Variants in OPN5 observed in about 807,000 individuals in gnomAD.
OPN5 encodes the protein opsin-5.
A neutral mutation model predicts 41.7 loss-of-function variants in OPN5; 18 were observed. The ratio of observed to expected loss-of-function variants is 0.43; its 90% confidence interval spans 0.30 to 0.64. OPN5 has a LOEUF of 0.64. OPN5 is among the 30% of genes least tolerant of loss of function. The pLI, the probability that OPN5 is intolerant of heterozygous loss-of-function variation, is 0.13. For synonymous variants in OPN5, 178 were observed against 164.3 expected (o/e 1.08, Z -0.64); for missense variants, 318 against 434.5 (o/e 0.73, Z 2.38).
At chr6:47,805,424 TTGTGTGTGTG>T (rs3031322) in intron 4 of OPN5, among the ~76,000 whole-genome samples, 1 of 150,372 alleles carries the variant, frequency 6.7e-6, no homozygotes, top group African/African-American at 2.4e-5. Flanking sequence ...ATATTATTAA[TTGTGTGTGTG>T]TGTGTGTGTG....
rs372351184 is a variant in OPN5, at chr6:47,802,836, A to G, written c.757-5318A>G. 9.1e-4 allele frequency among the ~76,000 whole-genome samples: 138 copies of G among 151,874 alleles called. 1 individual carries two copies. The South Asian group carries it at 0.028, about 31-fold the overall frequency. ...CCAAAACACAGATGCATAGAGTGAC[A>G]TGACCTAATTTACTGCCTCTCTTTT... On this transcript the variant is annotated intron_variant, in intron 4 of 6. Coordinates refer to ENST00000371211, the Ensembl canonical transcript of OPN5.
At chr6:47,810,343 G>A (rs530787906) in intron 5 of OPN5, among the ~76,000 whole-genome samples, 3 of 152,228 alleles carry the variant, frequency 2.0e-5, no homozygotes, top group Admixed American at 6.5e-5. Flanking sequence ...AAGAGCAGAC[G>A]GGTGGATGGT....
intron 2 of OPN5, 94 bp from the exon 3 acceptor site, chr6:47,791,708 C>A: frequency 1.1e-6 from 1 of 951,714 alleles, no homozygotes; most frequent in Non-Finnish European, 1.7e-6. Context: ...CACATGTGTC[C>A]CCGTGCTTTA....
At chr6:47,808,268 C>G in exon 5 of OPN5, 1 of 1,614,024 alleles carries the variant, frequency 6.2e-7, no homozygotes, top group Non-Finnish European at 8.5e-7. Flanking sequence ...CTCTGTGGTG[C>G]CAACCCTACT....
intron 6 of OPN5, among the ~76,000 whole-genome samples, chr6:47,815,470 A>G (rs1034277362): frequency 1.1e-4 from 17 of 152,298 alleles, no homozygotes; most frequent in African/African-American, 4.1e-4. Flanking sequence ...TGATGCTGGC[A>G]TAATGAAATG....
At chr6:47,785,040 A>G (rs1284982113) in intron 1 of OPN5, among the ~76,000 whole-genome samples, 2 of 152,220 alleles carry the variant, frequency 1.3e-5, no homozygotes, top group Non-Finnish European at 2.9e-5. Flanking sequence ...GTGAAACCTT[A>G]TGAAGCAGGG....
At chr6:47,791,956 C>G in exon 3 of OPN5, 1 of 1,613,328 alleles carries the variant, frequency 6.2e-7, no homozygotes, top group African/African-American at 1.3e-5. Flanking sequence ...ATTTGAAAAT[C>G]TGCTATTTAT....
intron 4 of OPN5, among the ~76,000 whole-genome samples, chr6:47,802,236 G>T (rs1773804793): frequency 6.6e-6 from 1 of 152,138 alleles, no homozygotes; most frequent in South Asian, 2.1e-4. Context: ...ATTCTTTCCT[G>T]AGGCCATGGC....
downstream of OPN5, chr6:47,826,199 T>C (rs1184384476): frequency 6.6e-6 from 1 of 152,106 alleles, no homozygotes; most frequent in Non-Finnish European, 1.5e-5. Flanking sequence ...GTGGTTCATG[T>C]TGACACTCAT....
intron 4 of OPN5, among the ~76,000 whole-genome samples, chr6:47,800,821 G>T (rs1428533547): frequency 6.6e-6 from 1 of 152,154 alleles, no homozygotes; most frequent in African/African-American, 2.4e-5. Context: ...TACAATTTTT[G>T]CAAAGGCAGT....
At chr6:47,799,792 C>T (rs1323712382) in intron 4 of OPN5, among the ~76,000 whole-genome samples, 2 of 152,176 alleles carry the variant, frequency 1.3e-5, no homozygotes, top group Non-Finnish European at 2.9e-5. Flanking sequence ...ACCAACTCCT[C>T]TGATGTCCCC....
intron 2 of OPN5, 27 bp downstream of exon 2, chr6:47,786,661 T>C (rs781699200): frequency 1.9e-6 from 3 of 1,609,608 alleles, no homozygotes; most frequent in Non-Finnish European, 2.5e-6. Flanking sequence ...GTGTTTTCTT[T>C]GTGGGTTTAA....
At chr6:47,823,051 C>T (rs140905188) in intron 6 of OPN5, among the ~76,000 whole-genome samples, 4,320 of 152,236 alleles carry the variant, frequency 0.028, 126 homozygotes, top group Non-Finnish European at 0.042. Flanking sequence ...AAGCCACATA[C>T]TTGTTGAAAA....
chr6:47,792,064 A>T, intron 3 of OPN5, 92 bp downstream of exon 3: 1 of 821,344 alleles, frequency 1.2e-6, no homozygotes, highest in Non-Finnish European at 2.0e-6. Flanking sequence ...ATAAACAAAG[A>T]TTATGAATAA....
chr6:47,811,410 G>C (rs551972135), intron 5 of OPN5, among the ~76,000 whole-genome samples: 45 of 152,198 alleles, frequency 3.0e-4, no homozygotes, highest in South Asian at 1.0e-3. Flanking sequence ...AATTAAGTTT[G>C]TTCTGGAAAA....
downstream of OPN5, chr6:47,826,314 C>T (rs1762789654): frequency 6.6e-6 from 1 of 152,168 alleles, no homozygotes; most frequent in East Asian, 1.9e-4. Flanking sequence ...CAAGATTTCC[C>T]AAAGCATGAT....
At chr6:47,800,967 T>C (rs916864933) in intron 4 of OPN5, among the ~76,000 whole-genome samples, 2 of 152,238 alleles carry the variant, frequency 1.3e-5, no homozygotes, top group African/African-American at 2.4e-5. Flanking sequence ...GGTCTACAGT[T>C]ATGATACAGA....
intron 6 of OPN5, among the ~76,000 whole-genome samples, chr6:47,814,310 A>G (rs1294602582): frequency 6.6e-6 from 1 of 152,072 alleles, no homozygotes; most frequent in Non-Finnish European, 1.5e-5. Flanking sequence ...CATTGTACAA[A>G]CGTCCCTGAA....
chr6:47,791,900 GGCTGTGGAAGCCTTATCACCATGACT>G lies in OPN5; in HGVS notation c.355_380del (p.Gly119GlnfsTer50). 6.2e-7 allele frequency: 1 copy of G among 1,613,962 alleles called. No individual in the cohort carries two copies. ...GTATGGATGGGCTGGATTTTTCTTT[GGCTGTGGAAGCCTTATCACCATGACT>G]GCTGTCAGCCTGGATCGATATTTGA... is the stretch of plus-strand genomic sequence containing the variant. On this transcript the variant is annotated frameshift_variant, in exon 3 of 7. Coordinates refer to ENST00000371211, the Ensembl canonical transcript of OPN5. LOFTEE classifies it high-confidence loss of function.
Sources: gnomAD v4.1 joint callset for allele counts (sites outside exome capture counted in the v4.1 genomes callset) on GRCh38, gnomAD v4.1.1 for gene constraint, MANE v1.5 for transcripts, NCBI Gene and HGNC (gene_info 2026-07-23, HGNC 2026-07-21) for gene names.